The following ASB3 variants were observed in gnomAD, a reference collection of about 807,000 sequenced individuals.
ASB3 encodes the protein ankyrin repeat and SOCS box containing 3.
In ASB3, 41 loss-of-function variants were observed where a neutral mutation model predicts 54.5. That is an observed-to-expected ratio of 0.75 (90% CI 0.59 to 0.98). ASB3 has a LOEUF of 0.98. Ranked by LOEUF, ASB3 falls within the 50% of genes least tolerant of loss-of-function variation. The pLI is 0.00. For synonymous variants in ASB3, 266 were observed against 221.2 expected, an observed-to-expected ratio of 1.20 and a Z score of -1.80; for missense variants, 733 against 620.0, an observed-to-expected ratio of 1.18 and a Z score of -1.94.
chr2:53,776,978 T>A (rs1240430308), intron 1 of ASB3, among the ~76,000 whole-genome samples: 1 of 152,200 alleles, frequency 6.6e-6, no homozygotes, highest in Non-Finnish European at 1.5e-5. Flanking sequence ...TGATGAAAAT[T>A]AGCTTTATTG....
rs538662278 is a variant in ASB3 at position 53,670,758 on chromosome 2, AT to A, written c.1370-69del. ...AAGATGTAATAGCACATAAAGGTAA[AT>A]TTTTTTTTCCCCCAACTCTTAGTAA... is the stretch of plus-strand genomic sequence containing the variant. On this transcript the variant is annotated intron_variant, in intron 9 of 9. Transcript: ENST00000263634. 511 of 1,499,574 alleles carry A rather than the reference AT, an allele frequency of 3.4e-4. 1 individual carries two copies. The highest frequency in any genetic ancestry group is 1.8e-3 in the Middle Eastern group (10 of 5,586). 92.9% of individuals were successfully genotyped at this position (1,499,574 alleles called of 1,614,324 possible).
At chr2:53,771,363 A>C (rs1347036374) in intron 1 of ASB3, among the ~76,000 whole-genome samples, 1 of 152,112 alleles carries the variant, frequency 6.6e-6, no homozygotes, top group Non-Finnish European at 1.5e-5. Context: ...AAATACAAAA[A>C]TTAGCTGGGT....
At chr2:53,765,642 A>T (rs754463748) in intron 1 of ASB3, 57 bp from the exon 2 acceptor site, 60 of 1,600,040 alleles carry the variant, frequency 3.7e-5, no homozygotes, top group Non-Finnish European at 5.0e-5. Context: ...CTTCACTCCT[A>T]GAGGTCAGCA....
chr2:53,734,309 C>G (rs1671493138), intron 3 of ASB3, among the ~76,000 whole-genome samples: 1 of 152,294 alleles, frequency 6.6e-6, no homozygotes, highest in Non-Finnish European at 1.5e-5. Context: ...CACTGTTCAA[C>G]CTGCAGACTA....
intron 9 of ASB3, among the ~76,000 whole-genome samples, chr2:53,693,310 T>A (rs1669013329): frequency 1.3e-5 from 2 of 152,152 alleles, no homozygotes; most frequent in Non-Finnish European, 1.5e-5. Flanking sequence ...AGCTTAAAAA[T>A]TTTTTTAAGT....
At chr2:53,780,095 A>G (rs1674560101) in intron 1 of ASB3, among the ~76,000 whole-genome samples, 3 of 152,178 alleles carry the variant, frequency 2.0e-5, no homozygotes, top group Admixed American at 2.0e-4. Flanking sequence ...TCTTTCCAAT[A>G]CACGCTCTAC....
chr2:53,694,213 T>C (rs1022809845), intron 8 of ASB3, 199 bp from the exon 9 acceptor site: 4 of 522,812 alleles, frequency 7.7e-6, no homozygotes, highest in Non-Finnish European at 9.7e-6. Flanking sequence ...ATTAACTGAA[T>C]TGACTTTCTA....
chr2:53,754,976 C>G (rs971640150), intron 2 of ASB3, among the ~76,000 whole-genome samples: 3 of 152,228 alleles, frequency 2.0e-5, no homozygotes, highest in African/African-American at 4.8e-5. Flanking sequence ...CCTTCTCACT[C>G]TCTTCCCTTC....
chr2:53,769,310 A>G (rs1258346422), intron 1 of ASB3, among the ~76,000 whole-genome samples: 3 of 152,222 alleles, frequency 2.0e-5, no homozygotes, highest in Non-Finnish European at 4.4e-5. Context: ...CAGGAGTTTG[A>G]GAGTTGTCAG....
chr2:53,699,518 T>C (rs981708044), intron 8 of ASB3, among the ~76,000 whole-genome samples: 2 of 152,184 alleles, frequency 1.3e-5, no homozygotes, highest in African/African-American at 2.4e-5. Flanking sequence ...GGGACAGACA[T>C]CACACGGGGT....
At chr2:53,739,290 G>A (rs547741753) in intron 3 of ASB3, among the ~76,000 whole-genome samples, 1 of 152,212 alleles carries the variant, frequency 6.6e-6, no homozygotes, top group African/African-American at 2.4e-5. Context: ...CTCAGTTGTG[G>A]CATGCAACAT....
intron 2 of ASB3, among the ~76,000 whole-genome samples, chr2:53,751,152 C>A (rs1182899476): frequency 6.6e-6 from 1 of 152,114 alleles, no homozygotes; most frequent in African/African-American, 2.4e-5. Flanking sequence ...ATACACAAAT[C>A]CTGTCCACTA....
chr2:53,706,592 C>T (rs371302652), intron 7 of ASB3, among the ~76,000 whole-genome samples: 2 of 152,002 alleles, frequency 1.3e-5, no homozygotes, highest in African/African-American at 2.4e-5. Flanking sequence ...ACTATAGGCA[C>T]GTGCCGCCAC....
chr2:53,670,543 A>G lies in ASB3; in HGVS notation c.1517T>C (p.Met506Thr), dbSNP rs1305137785. 4.3e-6 allele frequency: 7 copies of G among 1,613,866 alleles called. No individual in the cohort carries two copies. The highest frequency in any genetic ancestry group is 5.9e-6 in the Non-Finnish European group (7 of 1,179,992). ...AGCTGCCAGTTCTGGAACTTCATAC[A>G]TCCTCAGAACGTCTTCATAGAGCAA... ...NYLLYEDVLRMYEVPELAAIQ... is the reference protein window; with the variant it reads ...NYLLYEDVLRTYEVPELAAIQ... The change falls in exon 10 of 10, where the codon ATG becomes ACG. Residue 506 changes from methionine (M) to threonine (T), a missense_variant. Physicochemically the swap from Met to Thr is moderately conservative, Grantham distance 81. Transcript: ENST00000263634.
chr2:53,697,986 G>A (rs1669279184), intron 8 of ASB3, among the ~76,000 whole-genome samples: 1 of 152,158 alleles, frequency 6.6e-6, no homozygotes, highest in Non-Finnish European at 1.5e-5. Flanking sequence ...GGTCCTCTAG[G>A]CATTGCCCTG....
chr2:53,694,102 A>G, intron 8 of ASB3, 88 bp from the exon 9 acceptor site: 1 of 1,479,222 alleles, frequency 6.8e-7, no homozygotes. Context: ...CTATTCTTAC[A>G]AAATCTCAAT....
At chr2:53,697,450 A>G (rs751946240) in intron 8 of ASB3, among the ~76,000 whole-genome samples, 2 of 147,116 alleles carry the variant, frequency 1.4e-5, no homozygotes, top group Non-Finnish European at 3.0e-5. Context: ...ACTTTACTCT[A>G]TGGACTTGCC....
intron 2 of ASB3, among the ~76,000 whole-genome samples, chr2:53,760,754 T>TGC (rs1558565580): frequency 1.6e-4 from 24 of 151,600 alleles, no homozygotes; most frequent in African/African-American, 5.3e-4. Flanking sequence ...ATAGTCAGGA[T>TGC]CTGTGAAGTG....
rs558984794 is a variant in ASB3 at position 53,671,704 on chromosome 2, AGCCGAGATCATGCCACT to A, written c.1370-1031_1370-1015del. ...AACCTGGGAGGCGGAGGTTGCAGTG[AGCCGAGATCATGCCACT>A]GCACTCCAGCCTGGGCAACAAGAGG... On this transcript the variant is annotated intron_variant, in intron 9 of 9. Transcript: ENST00000263634. Among the ~76,000 whole-genome samples the A allele has an allele frequency of 8.4e-3, 1,239 of 148,178 alleles. 84 individuals carry two copies. Among genetic ancestry groups the A allele is most frequent in the African/African-American group, 0.029 (1,178 of 40,428 alleles).
Sources: gnomAD v4.1 joint callset for allele counts (sites outside exome capture counted in the v4.1 genomes callset) on GRCh38, gnomAD v4.1.1 for gene constraint, MANE v1.5 for transcripts, NCBI Gene and HGNC (gene_info 2026-07-23, HGNC 2026-07-21) for gene names.